Variants in MYADM observed in about 807,000 individuals in gnomAD.
MYADM encodes the protein myeloid associated differentiation marker, also known as myeloid-associated differentiation marker.
For synonymous variants in MYADM, 224 were observed against 210.2 expected (o/e 1.07, Z -0.57); for missense variants, 416 against 443.4 (o/e 0.94, Z 0.56).
rs1479021039 is a variant in MYADM, at chr19:53,869,773, C to G, written c.-68C>G. 2 of 153,126 alleles carry G rather than the reference C, an allele frequency of 1.3e-5. No individual in the cohort carries two copies. The highest frequency in any genetic ancestry group is 2.9e-5 in the Non-Finnish European group (2 of 68,356). 9.5% of individuals were successfully genotyped at this position (153,126 alleles called of 1,614,324 possible). On this transcript the variant is annotated 5_prime_UTR_variant, in exon 2 of 3. Coordinates refer to ENST00000391770, the MANE Select transcript of MYADM (RefSeq NM_138373.5). ...CCTCAGGTGCTCTTACAGCCTGTTC[C>G]AAGTGTGGCTTAATCCGTCTCCACC... is the stretch of plus-strand genomic sequence containing the variant.
chr19:53,867,724 G>A (rs976527441), upstream of MYADM, among the ~76,000 whole-genome samples: 20 of 152,300 alleles, frequency 1.3e-4, no homozygotes, highest in Non-Finnish European at 2.6e-4. Flanking sequence ...TACTCTGGGG[G>A]GCGTGGTCTG....
rs774109786 is a variant in MYADM, at chr19:53,874,661, C to G, written c.*163C>G. ...CCTTCCCAATTCCTTGCACTCTAAC[C>G]AGTTCTTGGATGCATCTTCTTCCTT... On this transcript the variant is annotated 3_prime_UTR_variant, in exon 3 of 3. Coordinates refer to ENST00000391770, the MANE Select transcript of MYADM (RefSeq NM_138373.5). 1.0e-4 allele frequency: 74 copies of G among 726,340 alleles called. No individual in the cohort carries two copies. Among genetic ancestry groups the G allele is most frequent in the Non-Finnish European group, 1.6e-4 (73 of 468,120 alleles). 45.0% of individuals were successfully genotyped at this position (726,340 alleles called of 1,614,324 possible).
chr19:53,866,754 G>C (rs763901483), upstream of MYADM, among the ~76,000 whole-genome samples: 6 of 152,006 alleles, frequency 3.9e-5, no homozygotes, highest in Non-Finnish European at 5.9e-5. This position sits in a 1 kb window ranked among gnomAD's most constrained non-coding sequence, Gnocchi z 4.3. Context: ...CTGCCTTCCA[G>C]ACCCAGGCGG....
At position 53,874,314 on chromosome 19, in the gene MYADM, A is replaced by T. The variant is rs760602729; in HGVS notation, c.785A>T (p.Gln262Leu). Reference sequence around the variant, plus strand: ...GCCCTTGTTCTCTGGCCCCTCTACCAGTTCGATGAGAAGTATGGCGGCCAG... The same window carrying T: ...GCCCTTGTTCTCTGGCCCCTCTACCTGTTCGATGAGAAGTATGGCGGCCAG... Reference protein sequence around the residue: ...ATALVLWPLYQFDEKYGGQPR... With the variant: ...ATALVLWPLYLFDEKYGGQPR... Residue 262 changes from glutamine to leucine, a missense_variant, in exon 3 of 3, where the codon CAG becomes CTG. Physicochemically the swap from Gln to Leu is moderately radical, Grantham distance 113. Coordinates refer to ENST00000391770, the MANE Select transcript of MYADM (RefSeq NM_138373.5). The T allele has an allele frequency of 6.2e-7, 1 of 1,611,876 alleles. No individual in the cohort carries two copies. The highest frequency in any genetic ancestry group is 1.3e-5 in the African/African-American group (1 of 75,028).
Position 53,873,956 on chromosome 19 carries a change from T to C in MYADM, c.427T>C (p.Phe143Leu), listed in dbSNP as rs1273201047. The change falls in exon 3 of 3, where the codon TTC becomes CTC. Residue 143 changes from phenylalanine (F) to leucine (L), a missense_variant. By Grantham distance (22) the Phe-to-Leu change is conservative. Transcript: ENST00000391770. This position sits in a 1 kb window ranked among gnomAD's most constrained non-coding sequence, Gnocchi z 4.3. ...GGACCACGCCATCGCCGCCACCTTC[T>C]TCTCCTGCATCGCGTGTGTGGCTTA... ...SRDHAIAATF[F>L]SCIACVAYAT... The C allele has an allele frequency of 4.3e-6, 7 of 1,610,536 alleles. No homozygotes were observed. Among genetic ancestry groups the C allele is most frequent in the South Asian group, 1.1e-5 (1 of 91,090 alleles).
chr19:53,874,850 A>G lies in MYADM; in HGVS notation c.*352A>G. The G allele has an allele frequency of 6.1e-6, 1 of 163,376 alleles. No homozygotes were observed. Among genetic ancestry groups the G allele is most frequent in the Non-Finnish European group, 1.4e-5 (1 of 74,030 alleles). 10.1% of individuals were successfully genotyped at this position (163,376 alleles called of 1,614,324 possible). On this transcript the variant is annotated 3_prime_UTR_variant, in exon 3 of 3. Coordinates refer to ENST00000391770, the MANE Select transcript of MYADM (RefSeq NM_138373.5). ...GAGTGCAGTGGTGCGATCTCGACTC[A>G]CTGCAACCCCCGCCTCCTGGGTTCA...
Position 53,873,233 on chromosome 19 carries a change from G to T in MYADM, c.-2-295G>T, listed in dbSNP as rs186318441. On this transcript the variant is annotated intron_variant, in intron 2 of 2. Coordinates refer to ENST00000391770, the MANE Select transcript of MYADM (RefSeq NM_138373.5). This position sits in a 1 kb window ranked among gnomAD's most constrained non-coding sequence, Gnocchi z 4.3. Reference sequence around the variant, plus strand: ...AAAAATACAAAAAAATTAGCCGGGCGTGGTGGCACATGCCTGTAATCTCAG... The same window carrying T: ...AAAAATACAAAAAAATTAGCCGGGCTTGGTGGCACATGCCTGTAATCTCAG... Among the ~76,000 whole-genome samples the T allele has an allele frequency of 1.3e-5, 2 of 152,280 alleles. No homozygotes were observed. The highest frequency in any genetic ancestry group is 2.1e-4 in the South Asian group (1 of 4,830).
chr19:53,874,042 C>T lies in MYADM; in HGVS notation c.513C>T (p.Thr171=), dbSNP rs201905769. The T allele has an allele frequency of 2.7e-5, 44 of 1,609,444 alleles. No individual in the cohort carries two copies. In the Admixed American group the frequency reaches 4.0e-4, roughly 15 times the overall value. ...RPGEITGYMA[T]VPGLLKVLET... ...GCGAGATCACTGGCTATATGGCCAC[C>T]GTACCCGGGCTGCTGAAGGTGCTGG... Residue 171 remains threonine, a synonymous_variant, in exon 3 of 3, where the codon ACC becomes ACT. Coordinates refer to ENST00000391770, the MANE Select transcript of MYADM (RefSeq NM_138373.5).
Position 53,868,533 on chromosome 19 carries a change from G to A in MYADM, c.-88+590G>A, listed in dbSNP as rs1343787218. Reference sequence around the variant, plus strand: ...GCTCCTGAAAGGCCGAGGGAGGGGGGTGTTAAGATCCAGCCCCGTGCTTCC... The same window carrying A: ...GCTCCTGAAAGGCCGAGGGAGGGGGATGTTAAGATCCAGCCCCGTGCTTCC... On this transcript the variant is annotated intron_variant, in intron 1 of 2. Transcript: ENST00000391770. This position sits in a 1 kb window ranked among gnomAD's most constrained non-coding sequence, Gnocchi z 6.3. Among the ~76,000 whole-genome samples the A allele has an allele frequency of 6.6e-6, 1 of 152,076 alleles. No individual in the cohort carries two copies. Among genetic ancestry groups the A allele is most frequent in the Non-Finnish European group, 1.5e-5 (1 of 67,986 alleles).
Position 53,874,570 on chromosome 19 carries a change from A to G in MYADM, c.*72A>G. 1 of 1,476,876 alleles carries G rather than the reference A, an allele frequency of 6.8e-7. No individual in the cohort carries two copies. Among genetic ancestry groups the G allele is most frequent in the Non-Finnish European group, 9.0e-7 (1 of 1,108,542 alleles). 91.5% of individuals were successfully genotyped at this position (1,476,876 alleles called of 1,614,324 possible). A position where few individuals can be genotyped will look rare whatever the true frequency, so the allele number is the denominator to read the frequency against. ...CTTGCCCGAGTTTTCTTTATGGAGT[A>G]CTTCTTTCCTCCGCCTTTCCTCTGT... On this transcript the variant is annotated 3_prime_UTR_variant, in exon 3 of 3. Coordinates refer to ENST00000391770, the MANE Select transcript of MYADM (RefSeq NM_138373.5).
Position 53,871,250 on chromosome 19 carries a change from C to G in MYADM, c.-3+1412C>G, listed in dbSNP as rs535866823. On this transcript the variant is annotated intron_variant, in intron 2 of 2. Coordinates refer to ENST00000391770, the MANE Select transcript of MYADM (RefSeq NM_138373.5). ...TGTAAAAAAAACAACAACCAAAAAA[C>G]AGGATTGTGAGGCCTAGAGAGAGTT... Among the ~76,000 whole-genome samples, 5 of 152,062 alleles carry G rather than the reference C, an allele frequency of 3.3e-5. No individual in the cohort carries two copies. The South Asian group carries it at 1.0e-3, about 32-fold the overall frequency.
rs2068503123 is a variant in MYADM at position 53,875,178 on chromosome 19, C to A, written c.*680C>A. 6.1e-6 allele frequency: 1 copy of A among 162,876 alleles called. No homozygotes were observed. Among genetic ancestry groups the A allele is most frequent in the Admixed American group, 6.7e-5 (1 of 14,850 alleles). 10.1% of individuals were successfully genotyped at this position (162,876 alleles called of 1,614,324 possible). The stretch of plus-strand genomic sequence containing the variant: ...GCCAAAGCATGCCTGCCCACCCTCG[C>A]TGTGCCTTAGTCAGTGTGTACGTGT... On this transcript the variant is annotated 3_prime_UTR_variant, in exon 3 of 3. Coordinates refer to ENST00000391770, the MANE Select transcript of MYADM (RefSeq NM_138373.5).
Position 53,874,247 on chromosome 19 carries a change from C to G in MYADM, c.718C>G (p.Leu240Val), listed in dbSNP as rs529752727. The stretch of plus-strand genomic sequence containing the variant: ...GCTACCCATCCCCTTCCCCAGCTTC[C>G]TGTCGGGGCTGGCCTTGCTGTCTGT... ...NVLPIPFPSFLSGLALLSVLL... is the reference protein window; with the variant it reads ...NVLPIPFPSFVSGLALLSVLL... The change falls in exon 3 of 3, where the codon CTG (leucine) becomes GTG (valine). Residue 240 changes from leucine (L) to valine (V), a missense_variant. Transcript: ENST00000391770. 23 of 1,610,280 alleles carry G rather than the reference C, an allele frequency of 1.4e-5. 1 individual carries two copies. The South Asian group carries it at 2.5e-4, about 18-fold the overall frequency.
Position 53,874,358 on chromosome 19 carries a change from G to GT in MYADM, c.830dup (p.Ser278LysfsTer33). 1 of 1,614,098 alleles carries GT rather than the reference G, an allele frequency of 6.2e-7. No homozygotes were observed. Among genetic ancestry groups the GT allele is most frequent in the Non-Finnish European group, 8.5e-7 (1 of 1,179,936 alleles). ...CGGCCAGCCTCGGCGCTCGAGAGAT[G>GT]TAAGCTGCAGCCGCAGCCATGCCTA... On this transcript the variant is annotated frameshift_variant, in exon 3 of 3. Coordinates refer to ENST00000391770, the MANE Select transcript of MYADM (RefSeq NM_138373.5). LOFTEE classifies it low-confidence loss of function (END_TRUNC).
At position 53,869,761 on chromosome 19, in the gene MYADM, T is replaced by TA. The variant is rs1376762593; in HGVS notation, c.-79dup. The TA allele has an allele frequency of 7.8e-5, 12 of 152,968 alleles. No individual in the cohort carries two copies. The highest frequency in any genetic ancestry group is 2.7e-4 in the African/African-American group (11 of 41,466). 9.5% of individuals were successfully genotyped at this position (152,968 alleles called of 1,614,324 possible). Reference sequence around the variant, plus strand: ...GGCCTACCTCCCCCTCAGGTGCTCTTACAGCCTGTTCCAAGTGTGGCTTAA... The same window carrying TA: ...GGCCTACCTCCCCCTCAGGTGCTCTTAACAGCCTGTTCCAAGTGTGGCTTAA... On this transcript the variant is annotated 5_prime_UTR_variant, in exon 2 of 3. Coordinates refer to ENST00000391770, the MANE Select transcript of MYADM (RefSeq NM_138373.5).
chr19:53,872,148 C>T (rs1228633691), intron 2 of MYADM, among the ~76,000 whole-genome samples: 1 of 152,088 alleles, frequency 6.6e-6, no homozygotes, highest in East Asian at 1.9e-4. Flanking sequence ...ATCTGCCAGC[C>T]TCGGCTTCCG....
In MYADM at chr19:53,874,484, T is replaced by G. The variant is rs778482211; in HGVS notation, c.955T>G (p.Phe319Val). Residue 319 changes from phenylalanine (F) to valine (V), a missense_variant, in exon 3 of 3, where the codon TTT becomes GTT. By Grantham distance (50) the Phe-to-Val change is conservative (BLOSUM62 -1). Coordinates refer to ENST00000391770, the MANE Select transcript of MYADM (RefSeq NM_138373.5). ...CCTGGTGCACTCTGCCCACCTGGTT[T>G]TTGTCAAGGTCTAAGACTCTCCCAA... The part of the protein sequence containing the change: ...ADLVHSAHLV[F>V]VKV 1.8e-5 allele frequency: 29 copies of G among 1,608,510 alleles called. No individual in the cohort carries two copies. In the South Asian group the frequency reaches 3.0e-4, roughly 17 times the overall value.
At chr19:53,867,215 T>A (rs1281022717), upstream of MYADM, among the ~76,000 whole-genome samples, 2 of 152,188 alleles carry the variant, frequency 1.3e-5, no homozygotes, top group African/African-American at 4.8e-5. Flanking sequence ...ATCTAGCCTC[T>A]GTTTCTTGGG....
In MYADM at chr19:53,873,363, CTCTG is replaced by C. The variant is rs2068432102; in HGVS notation, c.-2-161_-2-158del. On this transcript the variant is annotated intron_variant, in intron 2 of 2. Transcript: ENST00000391770. This position sits in a 1 kb window ranked among gnomAD's most constrained non-coding sequence, Gnocchi z 4.3. Reference sequence around the variant, plus strand: ...CTCCAGCCTGGGCCACAGAGCAAGACTCTGTCTCAAAAAAAAAAAAAGAAAAGAA... The same window carrying C: ...CTCCAGCCTGGGCCACAGAGCAAGACTCTCAAAAAAAAAAAAAGAAAAGAA... Among the ~76,000 whole-genome samples, 1 of 148,530 alleles carries C rather than the reference CTCTG, an allele frequency of 6.7e-6. No homozygotes were observed. The highest frequency in any genetic ancestry group is 2.6e-5 in the African/African-American group (1 of 38,772).
Sources: gnomAD v4.1 joint callset for allele counts (sites outside exome capture counted in the v4.1 genomes callset) on GRCh38, gnomAD v4.1.1 for gene constraint, Gnocchi (gnomAD v3.1) non-coding constraint, MANE v1.5 for transcripts, NCBI Gene and HGNC (gene_info 2026-07-23, HGNC 2026-07-21) for gene names.